RBFOX1: variants seen among roughly 807,000 people sequenced by gnomAD.
The protein encoded by RBFOX1 is RNA binding fox-1 homolog 1, also known as RNA binding protein fox-1 homolog 1.
RBFOX1 carries 8 observed loss-of-function variants against 57.7 expected under a neutral mutation model. That is an observed-to-expected ratio of 0.14 (90% CI 0.08 to 0.25). The LOEUF (loss-of-function observed/expected upper bound fraction) is 0.25, where lower values mean the gene tolerates loss of function less well. Among genes scored for constraint, RBFOX1 ranks in the 10% least tolerant of loss-of-function variants. The pLI is 1.00. For synonymous variants in RBFOX1, 326 were observed against 222.4 expected, an observed-to-expected ratio of 1.47 and a Z score of -4.15; for missense variants, 611 against 548.5, an observed-to-expected ratio of 1.11 and a Z score of -1.14.
chr16:7,029,691 C>G (rs1049223922), intron 3 of RBFOX1, among the ~76,000 whole-genome samples: 1 of 152,050 alleles, frequency 6.6e-6, no homozygotes, highest in Non-Finnish European at 1.5e-5. Flanking sequence ...ATGAAAGAAG[C>G]TGGGAGACTC....
intron 4 of RBFOX1, among the ~76,000 whole-genome samples, chr16:7,264,200 C>T (rs973893224): frequency 6.6e-6 from 1 of 152,130 alleles, no homozygotes; most frequent in Non-Finnish European, 1.5e-5. Flanking sequence ...AGCCAGTAAA[C>T]TGTGTTCCTT....
Position 7,579,817 on chromosome 16 carries a change from C to G in RBFOX1, c.311C>G (p.Thr104Arg), listed in dbSNP as rs762735864. 4 of 1,614,118 alleles carry G rather than the reference C, an allele frequency of 2.5e-6. No homozygotes were observed. In the Admixed American group the frequency reaches 5.0e-5, roughly 20 times the overall value. The change falls in exon 6 of 16, where the codon ACA (threonine) becomes AGA (arginine). Residue 104 changes from threonine to arginine, a missense_variant. Transcript: ENST00000550418. ...GCACCGACGGATGGCCAGCCCCAGA[C>G]ACAACCTTCTGAAAACACGGAAAAC... Reference protein sequence around the residue: ...DAAPTDGQPQTQPSENTENKS... With the variant: ...DAAPTDGQPQRQPSENTENKS...
In RBFOX1 at chr16:7,598,397, C is replaced by A. The variant is rs183732397; in HGVS notation, c.622+966C>A. Among the ~76,000 whole-genome samples, 61 of 151,992 alleles carry A rather than the reference C, an allele frequency of 4.0e-4. 1 individual carries two copies. In the East Asian group the frequency reaches 0.01, roughly 26 times the overall value. On this transcript the variant is annotated intron_variant, in intron 9 of 15. Transcript: ENST00000550418. The stretch of plus-strand genomic sequence containing the variant: ...ACTGGCAAACATTTTTTCTTTGATT[C>A]AGGTTCATAAAAATAATATAACTTT...
intron 1 of RBFOX1, among the ~76,000 whole-genome samples, chr16:6,289,212 T>A (rs2077204996): frequency 6.6e-6 from 1 of 152,166 alleles, no homozygotes; most frequent in South Asian, 2.1e-4. Context: ...TCTTTGCAGA[T>A]GTCACAGAGG....
At position 7,465,325 on chromosome 16, in the gene RBFOX1, G is replaced by A. The variant is rs535683295; in HGVS notation, c.28-52822G>A. Among the ~76,000 whole-genome samples the A allele has an allele frequency of 2.8e-4, 43 of 152,316 alleles. No individual in the cohort carries two copies. The East Asian group carries it at 4.0e-3, about 14-fold the overall frequency. ...TTTCTGGCCTGCCTTCTCGTGTTGG[G>A]TGGGATCCTCTACAAATCTGTAGGC... is the stretch of plus-strand genomic sequence containing the variant. On this transcript the variant is annotated intron_variant, in intron 4 of 15. Coordinates refer to ENST00000550418, the MANE Select transcript of RBFOX1 (RefSeq NM_018723.4).
chr16:7,449,953 A>C (rs187969558), intron 4 of RBFOX1, among the ~76,000 whole-genome samples: 2 of 152,246 alleles, frequency 1.3e-5, no homozygotes. Flanking sequence ...CTCTGACTGC[A>C]GTAGAAGGAT....
intron 3 of RBFOX1, among the ~76,000 whole-genome samples, chr16:6,765,183 A>G (rs1356926933): frequency 6.6e-6 from 1 of 152,106 alleles, no homozygotes; most frequent in Non-Finnish European, 1.5e-5. Flanking sequence ...TGAATGCAGC[A>G]CGTGGTAAGG....
In RBFOX1 at chr16:5,505,264, G is replaced by A. The variant is rs920062870; in HGVS notation, c.258+38010G>A. Among the ~76,000 whole-genome samples the A allele has an allele frequency of 3.3e-5, 5 of 152,184 alleles. No homozygotes were observed. In the East Asian group the frequency reaches 7.7e-4, roughly 23 times the overall value. On this transcript the variant is annotated intron_variant, in intron 2 of 2. Transcript: ENST00000585867. ...TCCACCTCTGTGCTTAACGCAGGGGGCGTTGGGATAACCCTGAACTGTAGG... is the reference window on the plus strand; with the variant it reads ...TCCACCTCTGTGCTTAACGCAGGGGACGTTGGGATAACCCTGAACTGTAGG...
chr16:5,879,658 C>A (rs1173112342), intron 4 of RBFOX1, among the ~76,000 whole-genome samples: 1 of 152,190 alleles, frequency 6.6e-6, no homozygotes, highest in African/African-American at 2.4e-5. Context: ...ATACATTAGT[C>A]AGGAGAGGCT....
chr16:6,511,760 C>G (rs2096259504), intron 2 of RBFOX1, among the ~76,000 whole-genome samples: 1 of 152,164 alleles, frequency 6.6e-6, no homozygotes, highest in South Asian at 2.1e-4. Flanking sequence ...TATAAGAAGA[C>G]ATTGTCCAGA....
chr16:7,352,163 A>G (rs2097140666), intron 4 of RBFOX1, among the ~76,000 whole-genome samples: 1 of 152,168 alleles, frequency 6.6e-6, no homozygotes, highest in African/African-American at 2.4e-5. Context: ...TGCTCCAGAT[A>G]CAGCCATGGC....
chr16:6,679,415 G>T (rs2058271330), intron 3 of RBFOX1, among the ~76,000 whole-genome samples: 1 of 152,086 alleles, frequency 6.6e-6, no homozygotes, highest in Non-Finnish European at 1.5e-5. Context: ...CTCCATGCTT[G>T]CTGCAGACAT....
At chr16:6,879,368 C>A (rs893890817) in intron 3 of RBFOX1, among the ~76,000 whole-genome samples, 2 of 152,312 alleles carry the variant, frequency 1.3e-5, no homozygotes, top group East Asian at 3.9e-4. Flanking sequence ...AATTTCATCT[C>A]TCTCTCTGCC....
At chr16:7,489,323 T>A (rs920339698) in intron 4 of RBFOX1, among the ~76,000 whole-genome samples, 1 of 152,218 alleles carries the variant, frequency 6.6e-6, no homozygotes, top group African/African-American at 2.4e-5. Flanking sequence ...CTGAGGTACC[T>A]TTTGGCAAGT....
At chr16:6,252,224 C>A (rs1407611141) in intron 1 of RBFOX1, among the ~76,000 whole-genome samples, 1 of 152,050 alleles carries the variant, frequency 6.6e-6, no homozygotes, top group Non-Finnish European at 1.5e-5. Flanking sequence ...AGCCCTTCTG[C>A]CATTTCTTCT....
In RBFOX1 at chr16:7,253,400, G is replaced by A. The variant is rs76382200; in HGVS notation, c.27+201302G>A. On this transcript the variant is annotated intron_variant, in intron 4 of 15. Coordinates refer to ENST00000550418, the MANE Select transcript of RBFOX1 (RefSeq NM_018723.4). ...CTAACTGCTTTGCATGGTGTTCTCC[G>A]GCTTGACAACCCCTCAACCTCTTCC... Among the ~76,000 whole-genome samples the A allele has an allele frequency of 4.6e-5, 7 of 152,238 alleles. No individual in the cohort carries two copies. In the East Asian group the frequency reaches 7.7e-4, roughly 17 times the overall value.
At chr16:7,401,185 G>C (rs540337201) in intron 4 of RBFOX1, among the ~76,000 whole-genome samples, 1 of 152,268 alleles carries the variant, frequency 6.6e-6, no homozygotes, top group South Asian at 2.1e-4. Context: ...TATCTTCATT[G>C]CATTTATTTT....
At chr16:6,256,217 A>ATGTGTATG (rs2097663908) in intron 1 of RBFOX1, among the ~76,000 whole-genome samples, 1 of 101,118 alleles carries the variant, frequency 9.9e-6, no homozygotes, top group African/African-American at 4.9e-5. Context: ...ATGTGTATAT[A>ATGTGTATG]TATGTATATA....
intron 4 of RBFOX1, among the ~76,000 whole-genome samples, chr16:5,967,328 G>A (rs2059866782): frequency 6.6e-6 from 1 of 152,162 alleles, no homozygotes; most frequent in Non-Finnish European, 1.5e-5. Context: ...TGTGGCTCTT[G>A]AGTTCTTTTG....
Sources: allele counts gnomAD v4.1 joint callset (sites outside exome capture counted in the v4.1 genomes callset), GRCh38; gene constraint gnomAD v4.1.1; transcripts MANE v1.5; gene names NCBI Gene and HGNC (gene_info 2026-07-23, HGNC 2026-07-21).